PACS1: variants seen among roughly 807,000 people sequenced by gnomAD.
PACS1 encodes the protein PACS-1.
In PACS1, 24 loss-of-function variants were observed where a neutral mutation model predicts 115.0. The observed-to-expected ratio is 0.21, with a 90% CI of 0.15 to 0.29. The LOEUF (loss-of-function observed/expected upper bound fraction) is 0.29, where lower values mean the gene tolerates loss of function less well. PACS1 is among the 10% of genes least tolerant of loss of function. PACS1 has a pLI of 1.00. For synonymous variants in PACS1, 453 were observed against 504.5 expected (o/e 0.90, Z 1.37); for missense variants, 838 against 1,251.2 (o/e 0.67, Z 4.98).
At chr11:66,187,794 A>G (rs1351308061) in intron 1 of PACS1, among the ~76,000 whole-genome samples, 1 of 152,174 alleles carries the variant, frequency 6.6e-6, no homozygotes, top group East Asian at 1.9e-4. Flanking sequence ...TCCCTGATAC[A>G]ATAATTTCCT....
At position 66,216,750 on chromosome 11, in the gene PACS1, T is replaced by G. The variant is rs1297493609; in HGVS notation, c.953T>G (p.Leu318Arg). ...AAAGTGAAGAAGACCCGGAGGAAAC[T>G]AACCTCAACCTCTGCCATCACAAGG... ...LRKVKKTRRKLTSTSAITRQP... is the reference protein window; with the variant it reads ...LRKVKKTRRKRTSTSAITRQP... The change falls in exon 7 of 24, where the codon CTA becomes CGA. Residue 318 changes from leucine (L) to arginine (R), a missense_variant. Leu to Arg is a moderately radical substitution (Grantham distance 102). Around this residue, in one of 6 missense-constraint regions of PACS1, gnomAD observed 223 missense variants for 354.0 expected, o/e 0.63. Transcript: ENST00000320580. The G allele has an allele frequency of 6.2e-7, 1 of 1,613,736 alleles. No homozygotes were observed. The highest frequency in any genetic ancestry group is 8.5e-7 in the Non-Finnish European group (1 of 1,179,890).
At chr11:66,131,647 GC>G (rs928227158) in intron 1 of PACS1, among the ~76,000 whole-genome samples, 1 of 151,878 alleles carries the variant, frequency 6.6e-6, no homozygotes, top group Non-Finnish European at 1.5e-5. Context: ...TCTTTTCTGG[GC>G]CAGGCGTGGT....
chr11:66,151,586 C>T (rs1859241435), intron 1 of PACS1, among the ~76,000 whole-genome samples: 1 of 152,194 alleles, frequency 6.6e-6, no homozygotes, highest in Admixed American at 6.5e-5. Context: ...TGAATCCAGG[C>T]AAGTTAACTG....
intron 8 of PACS1, chr11:66,220,368 G>T (rs532461415): frequency 4.2e-6 from 2 of 472,594 alleles, no homozygotes; most frequent in East Asian, 3.7e-5. Context: ...ATGGGCGATG[G>T]GCCTCGGGAT....
At chr11:66,182,091 T>A (rs781528524) in intron 1 of PACS1, among the ~76,000 whole-genome samples, 3 of 152,216 alleles carry the variant, frequency 2.0e-5, no homozygotes, top group South Asian at 2.1e-4. Flanking sequence ...ACTTTTTGTA[T>A]CTGGTTTTAA....
At chr11:66,091,407 C>T (rs1857657353) in intron 1 of PACS1, among the ~76,000 whole-genome samples, 1 of 152,058 alleles carries the variant, frequency 6.6e-6, no homozygotes, top group Admixed American at 6.6e-5. Flanking sequence ...TCCCAAAGTG[C>T]TAGGATTACA....
At chr11:66,231,178 G>A (rs954106165) in intron 13 of PACS1, among the ~76,000 whole-genome samples, 2 of 152,262 alleles carry the variant, frequency 1.3e-5, no homozygotes, top group Non-Finnish European at 2.9e-5. Context: ...AGCCAAAAAC[G>A]CTGTGTGGTC....
intron 1 of PACS1, among the ~76,000 whole-genome samples, chr11:66,133,074 G>C (rs1375448387): frequency 2.6e-5 from 4 of 152,158 alleles, no homozygotes; most frequent in African/African-American, 9.7e-5. Flanking sequence ...AAACCCCGGA[G>C]TCATCTTTGC....
chr11:66,181,776 G>A (rs1860018267), intron 1 of PACS1, among the ~76,000 whole-genome samples: 1 of 152,072 alleles, frequency 6.6e-6, no homozygotes, highest in Non-Finnish European at 1.5e-5. Context: ...GACAGTTTCT[G>A]TTTGTTTTTG....
chr11:66,118,797 GAAAA>G (rs1858374545), intron 1 of PACS1, among the ~76,000 whole-genome samples: 1 of 127,116 alleles, frequency 7.9e-6, no homozygotes, highest in Non-Finnish European at 1.7e-5. Context: ...AAAAAAGAAA[GAAAA>G]AGAAAAAAAG....
intron 2 of PACS1, among the ~76,000 whole-genome samples, chr11:66,198,796 A>G (rs755872941): frequency 2.2e-4 from 34 of 152,148 alleles, no homozygotes; most frequent in Non-Finnish European, 4.6e-4. Flanking sequence ...TTAAAAAACT[A>G]TGTCTTCTCA....
At position 66,070,710 on chromosome 11, in the gene PACS1, C is replaced by T. The variant is rs753656283; in HGVS notation, c.224C>T (p.Ser75Phe). 2.5e-6 allele frequency: 4 copies of T among 1,578,184 alleles called. No homozygotes were observed. In the Admixed American group the frequency reaches 6.9e-5, roughly 27 times the overall value. The change falls in exon 1 of 24, where the codon TCC (serine) becomes TTC (phenylalanine). Residue 75 changes from serine (S) to phenylalanine (F), a missense_variant. Ser to Phe is a radical substitution (Grantham distance 155). Transcript: ENST00000320580. The surrounding 1 kb of genome is among the most constrained non-coding windows in gnomAD (Gnocchi z 5.9). ...TCCTCGTCCTCGTCTACCTCCACCT[C>T]CATGGCCGTGGCGGTGGCCTCGGGC... ...ASSSSSSTST[S>F]MAVAVASGSA...
At chr11:66,113,848 C>A (rs1280337245) in intron 1 of PACS1, among the ~76,000 whole-genome samples, 1 of 152,104 alleles carries the variant, frequency 6.6e-6, no homozygotes, top group Non-Finnish European at 1.5e-5. Context: ...ATCACCCAGT[C>A]CTTTCTTCCT....
intron 1 of PACS1, among the ~76,000 whole-genome samples, chr11:66,181,006 C>T (rs1859998062): frequency 6.6e-6 from 1 of 152,058 alleles, no homozygotes; most frequent in South Asian, 2.1e-4. Context: ...GCCAGCTTTC[C>T]AGAGTTTTAT....
intron 1 of PACS1, among the ~76,000 whole-genome samples, chr11:66,153,655 C>T (rs1476835382): frequency 1.3e-5 from 2 of 152,226 alleles, no homozygotes; most frequent in East Asian, 3.9e-4. Flanking sequence ...GTGGTGGGCA[C>T]CTGTAGTCCC....
intron 2 of PACS1, among the ~76,000 whole-genome samples, chr11:66,198,616 GGTGATA>G (rs1854701985): frequency 2.6e-5 from 4 of 152,102 alleles, no homozygotes; most frequent in Admixed American, 2.6e-4. Context: ...GACTGCAGAG[GGTGATA>G]ATTAAAGAAT....
At chr11:66,154,803 G>A (rs991955660) in intron 1 of PACS1, among the ~76,000 whole-genome samples, 4 of 152,154 alleles carry the variant, frequency 2.6e-5, no homozygotes, top group African/African-American at 2.4e-5. Flanking sequence ...AAATTTCTGC[G>A]TATTTTTGTT....
At chr11:66,079,511 C>T (rs1304889916) in intron 1 of PACS1, among the ~76,000 whole-genome samples, 1 of 151,948 alleles carries the variant, frequency 6.6e-6, no homozygotes, top group African/African-American at 2.4e-5. Context: ...TTTATGGTAC[C>T]TCTCAAACAC....
At chr11:66,093,321 C>G (rs1411605393) in intron 1 of PACS1, among the ~76,000 whole-genome samples, 6 of 151,238 alleles carry the variant, frequency 4.0e-5, no homozygotes, top group African/African-American at 1.5e-4. Flanking sequence ...CAGAGACACA[C>G]ATAGGCTCAA....
Sources: allele counts gnomAD v4.1 joint callset (sites outside exome capture counted in the v4.1 genomes callset), GRCh38; gene constraint gnomAD v4.1.1; regional missense constraint gnomAD v4.1.1; non-coding constraint Gnocchi (gnomAD v3.1); transcripts MANE v1.5; gene names NCBI Gene and HGNC (gene_info 2026-07-23, HGNC 2026-07-21).